RYR2: variants seen among roughly 807,000 people sequenced by gnomAD.
RYR2 encodes ryanodine receptor 2.
Under a neutral mutation model 601.1 loss-of-function variants are expected in RYR2, and 227 were observed. The observed-to-expected ratio is 0.38, with a 90% CI of 0.34 to 0.42. RYR2 has a LOEUF of 0.42. RYR2 is among the 10% of genes least tolerant of loss of function. The pLI, the probability that RYR2 is intolerant of heterozygous loss-of-function variation, is 1.00. For synonymous variants in RYR2, 2,223 were observed against 2,175.1 expected (o/e 1.02, Z -0.61); for missense variants, 4,646 against 6,156.5 (o/e 0.75, Z 8.21).
At chr1:237,503,591 G>A (rs1664890411) in intron 22 of RYR2, 86 bp downstream of exon 22, 2 of 1,320,074 alleles carry the variant, frequency 1.5e-6, no homozygotes, top group Admixed American at 1.8e-5. Flanking sequence ...CAACCCATAG[G>A]AACGAATTTC....
At chr1:237,724,695 A>C (rs897288848) in intron 74 of RYR2, among the ~76,000 whole-genome samples, 1 of 152,042 alleles carries the variant, frequency 6.6e-6, no homozygotes, top group Non-Finnish European at 1.5e-5. Flanking sequence ...ATATAAAGTC[A>C]TAGAGTTTTA....
intron 3 of RYR2, 97 bp from the exon 4 acceptor site, chr1:237,355,868 A>G: frequency 9.2e-7 from 1 of 1,090,784 alleles, no homozygotes; most frequent in Admixed American, 2.2e-5. Context: ...TTGTGGTGCA[A>G]GGACCAAATT....
chr1:237,583,928 G>A (rs1477737384), intron 29 of RYR2, among the ~76,000 whole-genome samples: 1 of 152,188 alleles, frequency 6.6e-6, no homozygotes, highest in Non-Finnish European at 1.5e-5. Flanking sequence ...TTTTGTTGGA[G>A]GAAGCAGCTT....
intron 99 of RYR2, among the ~76,000 whole-genome samples, chr1:237,808,682 A>G (rs1004870314): frequency 1.7e-4 from 26 of 151,774 alleles, no homozygotes; most frequent in Non-Finnish European, 2.8e-4. Context: ...AATAAAATAA[A>G]ATAAAATAAA....
At chr1:237,638,589 G>T in intron 45 of RYR2, 97 bp downstream of exon 45, 1 of 1,302,012 alleles carries the variant, frequency 7.7e-7, no homozygotes. Context: ...GGAAGTATTA[G>T]TAAAGAAATC....
chr1:237,179,792 A>G (rs2490352), intron 1 of RYR2, among the ~76,000 whole-genome samples: 59,869 of 152,008 alleles, frequency 0.39, 14,325 homozygotes, highest in Non-Finnish European at 0.52. Flanking sequence ...CTTTCAGCAG[A>G]TGATGCATCT....
At chr1:237,706,455 A>G (rs538372336) in intron 67 of RYR2, among the ~76,000 whole-genome samples, 16 of 152,308 alleles carry the variant, frequency 1.1e-4, no homozygotes, top group Non-Finnish European at 2.2e-4. Flanking sequence ...AGTGAAAAGC[A>G]GCTTTGTTCC....
In RYR2 at chr1:237,727,151, G is replaced by A. The variant is rs757494145; in HGVS notation, c.10790G>A (p.Arg3597Lys). ...WHKLLSKQRK[R>K]AVVACFRMAP... is the part of the protein sequence containing the mutation. ...AAACTACTGTCCAAGCAGAGGAAAA[G>A]GGCTGTTGTAGCCTGCTTCCGGATG... The change falls in exon 76 of 105, where the codon AGG becomes AAG. Residue 3597 changes from arginine to lysine, a missense_variant. Physicochemically the swap from Arg to Lys is conservative, Grantham distance 26 (BLOSUM62 2). Around this residue, in one of 17 missense-constraint regions of RYR2, gnomAD observed 1,497 missense variants for 1,842.6 expected, o/e 0.81. Transcript: ENST00000366574. The A allele has an allele frequency of 5.0e-6, 8 of 1,603,066 alleles. No homozygotes were observed. The highest frequency in any genetic ancestry group is 6.8e-6 in the Non-Finnish European group (8 of 1,172,736).
chr1:237,698,105 AGTGTGTGTGTGTGTGT>A (rs3999833), intron 63 of RYR2, among the ~76,000 whole-genome samples: 29 of 140,136 alleles, frequency 2.1e-4, no homozygotes, highest in African/African-American at 5.8e-4. Flanking sequence ...AGGAGATGAT[AGTGTGTGTGTGTGTGT>A]GTGTGTGTGT....
At chr1:237,529,866 T>C (rs934156772) in intron 24 of RYR2, among the ~76,000 whole-genome samples, 1 of 151,784 alleles carries the variant, frequency 6.6e-6, no homozygotes, top group East Asian at 1.9e-4. Flanking sequence ...TAACAATTGA[T>C]GCCTTTAGAG....
intron 60 of RYR2, among the ~76,000 whole-genome samples, chr1:237,677,574 T>G (rs1351729151): frequency 6.6e-6 from 1 of 152,176 alleles, no homozygotes; most frequent in African/African-American, 2.4e-5. Flanking sequence ...AGTTTTTTAG[T>G]TTGTGTCTTA....
chr1:237,362,926 A>G (rs1325204164), intron 4 of RYR2, among the ~76,000 whole-genome samples: 2 of 152,146 alleles, frequency 1.3e-5, no homozygotes, highest in African/African-American at 2.4e-5. Context: ...ACAGTCAGAC[A>G]TGACTTAGCA....
At chr1:237,195,207 A>C (rs1343762442) in intron 1 of RYR2, among the ~76,000 whole-genome samples, 1 of 152,232 alleles carries the variant, frequency 6.6e-6, no homozygotes, top group Non-Finnish European at 1.5e-5. Flanking sequence ...CAGAAAAATA[A>C]ACTTCAATTC....
intron 1 of RYR2, among the ~76,000 whole-genome samples, chr1:237,150,965 C>T (rs1674644249): frequency 1.3e-5 from 2 of 152,102 alleles, no homozygotes; most frequent in South Asian, 4.1e-4. Flanking sequence ...AACCTTTCTT[C>T]TTTTAGATCT....
intron 1 of RYR2, among the ~76,000 whole-genome samples, chr1:237,260,250 C>T (rs897599697): frequency 4.6e-5 from 7 of 152,176 alleles, no homozygotes; most frequent in Non-Finnish European, 1.0e-4. Flanking sequence ...CCTGTAAATA[C>T]GCACCCAGAG....
intron 24 of RYR2, among the ~76,000 whole-genome samples, chr1:237,525,448 G>T (rs890926963): frequency 2.7e-4 from 35 of 128,014 alleles, no homozygotes; most frequent in South Asian, 4.9e-4. Context: ...TGTTTTTTTT[G>T]TTTGTTTGTT....
intron 50 of RYR2, among the ~76,000 whole-genome samples, chr1:237,651,182 A>G (rs1422293472): frequency 6.6e-6 from 1 of 152,210 alleles, no homozygotes; most frequent in African/African-American, 2.4e-5. Flanking sequence ...CTTCTGTATC[A>G]AAGAAGGGGT....
In RYR2 at chr1:237,330,540, G is replaced by A. The variant is rs561142618; in HGVS notation, c.169-338G>A. Among the ~76,000 whole-genome samples, 17 of 152,046 alleles carry A rather than the reference G, an allele frequency of 1.1e-4. No homozygotes were observed. The East Asian group carries it at 2.1e-3, about 19-fold the overall frequency. On this transcript the variant is annotated intron_variant, in intron 2 of 104. Coordinates refer to ENST00000366574, the MANE Select transcript of RYR2 (RefSeq NM_001035.3). ...GTAGCTGGGATTACAGGCTTGTGCC[G>A]CTGCGTCTGGCTACTTTTTGTATTT...
intron 29 of RYR2, among the ~76,000 whole-genome samples, chr1:237,575,728 A>G (rs1463385351): frequency 2.0e-5 from 3 of 152,224 alleles, no homozygotes; most frequent in Non-Finnish European, 2.9e-5. Context: ...ACCTTTCAGT[A>G]CTTTAGCAAC....
Sources: allele counts gnomAD v4.1 joint callset (sites outside exome capture counted in the v4.1 genomes callset), GRCh38; gene constraint gnomAD v4.1.1; regional missense constraint gnomAD v4.1.1; transcripts MANE v1.5; gene names NCBI Gene and HGNC (gene_info 2026-07-23, HGNC 2026-07-21).